NPAS2: variants seen among roughly 807,000 people sequenced by gnomAD.
NPAS2 encodes the protein neuronal PAS domain protein 2.
NPAS2 carries 23 observed loss-of-function variants against 107.5 expected under a neutral mutation model. The observed-to-expected ratio is 0.21, with a 90% CI of 0.15 to 0.30. NPAS2 has a LOEUF of 0.30. Among genes scored for constraint, NPAS2 ranks in the 10% least tolerant of loss-of-function variants. The probability of loss-of-function intolerance (pLI) is 1.00; values close to 1 mark genes in which losing one functional copy is unlikely to be tolerated. For missense variants in NPAS2, 756 were observed against 1,043.3 expected, an observed-to-expected ratio of 0.72 and a Z score of 3.79; for synonymous variants, 403 against 417.5, an observed-to-expected ratio of 0.97 and a Z score of 0.42.
rs188450664 is a variant in NPAS2 at position 100,845,540 on chromosome 2, A to C, written c.-23+25126A>C. 6.9e-3 allele frequency among the ~76,000 whole-genome samples: 1,045 copies of C among 152,318 alleles called. 42 individuals carry two copies. Among genetic ancestry groups the C allele is most frequent in the Admixed American group, 0.064 (981 of 15,304 alleles). On this transcript the variant is annotated intron_variant, in intron 1 of 20. Transcript: ENST00000335681. ...AAGCCACCCAGCCAGGCAGCTGACT[A>C]CATGCACTCAGGCACCCAGGCTGCT...
chr2:100,993,258 A>C (rs1323074434), intron 19 of NPAS2, 89 bp from the exon 20 acceptor site: 2 of 1,306,284 alleles, frequency 1.5e-6, no homozygotes, highest in African/African-American at 3.0e-5. Flanking sequence ...AGTCCAACTT[A>C]TTTGTTTTTT....
intron 2 of NPAS2, among the ~76,000 whole-genome samples, chr2:100,910,833 T>A (rs571203546): frequency 6.6e-6 from 1 of 152,222 alleles, no homozygotes; most frequent in African/African-American, 2.4e-5. Context: ...CAGCCTAATG[T>A]CTTCTTCTTA....
intron 2 of NPAS2, among the ~76,000 whole-genome samples, chr2:100,907,517 CACACA>C (rs1413286315): frequency 5.9e-5 from 9 of 151,660 alleles, no homozygotes; most frequent in Non-Finnish European, 1.2e-4. Flanking sequence ...CACACACACA[CACACA>C]CCCCTAAGAT....
chr2:100,936,427 AAGTC>A (rs1684303366), intron 4 of NPAS2, among the ~76,000 whole-genome samples: 2 of 152,284 alleles, frequency 1.3e-5, no homozygotes, highest in African/African-American at 4.8e-5. Flanking sequence ...GTCAAAGAAA[AAGTC>A]AGTGAACCGA....
intron 1 of NPAS2, among the ~76,000 whole-genome samples, chr2:100,848,339 T>C (rs1677917604): frequency 1.3e-5 from 2 of 152,182 alleles, no homozygotes; most frequent in Admixed American, 6.5e-5. Flanking sequence ...GATTCCTGTA[T>C]CATACTTGGG....
intron 1 of NPAS2, chr2:100,821,299 C>A (rs1676054090): frequency 1.9e-6 from 2 of 1,063,578 alleles, no homozygotes; most frequent in African/African-American, 1.7e-5. Context: ...CGCACTTCCA[C>A]AAAGTCTAAA....
At chr2:100,862,811 G>T (rs569122250) in intron 1 of NPAS2, among the ~76,000 whole-genome samples, 1 of 152,122 alleles carries the variant, frequency 6.6e-6, no homozygotes, top group Non-Finnish European at 1.5e-5. Flanking sequence ...TTCCTTTTAC[G>T]GGAGTTGCTC....
intron 2 of NPAS2, among the ~76,000 whole-genome samples, chr2:100,921,724 C>G (rs965171028): frequency 9.8e-5 from 15 of 152,322 alleles, no homozygotes; most frequent in African/African-American, 3.6e-4. Context: ...AGTAAGGTAA[C>G]ATTTCAACGG....
intron 7 of NPAS2, among the ~76,000 whole-genome samples, chr2:100,956,051 C>T (rs1573715867): frequency 6.6e-6 from 1 of 152,054 alleles, no homozygotes; most frequent in Admixed American, 6.6e-5. Flanking sequence ...ACTACAGGCG[C>T]ATGCTATAAC....
chr2:100,880,698 T>C (rs1475105470), intron 1 of NPAS2, among the ~76,000 whole-genome samples: 1 of 152,200 alleles, frequency 6.6e-6, no homozygotes, highest in Non-Finnish European at 1.5e-5. Flanking sequence ...CACAACATTA[T>C]GAATGCAGTG....
intron 1 of NPAS2, among the ~76,000 whole-genome samples, chr2:100,850,011 TAAAAAAA>T (rs58359292): frequency 1.6e-4 from 9 of 56,218 alleles, no homozygotes; most frequent in Admixed American, 4.8e-4. Context: ...ACTCTTTTTG[TAAAAAAA>T]AAAAAAAAAA....
At chr2:100,874,444 TAAA>T (rs1427097618) in intron 1 of NPAS2, among the ~76,000 whole-genome samples, 3 of 152,078 alleles carry the variant, frequency 2.0e-5, no homozygotes, top group East Asian at 3.9e-4. Flanking sequence ...AACTACCACT[TAAA>T]AAGATAAAAA....
intron 1 of NPAS2, among the ~76,000 whole-genome samples, chr2:100,837,716 G>T (rs956964982): frequency 6.6e-6 from 1 of 152,312 alleles, no homozygotes; most frequent in East Asian, 1.9e-4. Context: ...TCTGATTGAA[G>T]ATAAATGGAG....
At chr2:100,954,201 T>G (rs1018043694) in intron 7 of NPAS2, among the ~76,000 whole-genome samples, 1 of 152,138 alleles carries the variant, frequency 6.6e-6, no homozygotes, top group Non-Finnish European at 1.5e-5. Flanking sequence ...GACCAGGACA[T>G]GAGAGCCTGA....
At chr2:100,983,626 A>G (rs1677604578) in intron 16 of NPAS2, 1 of 152,430 alleles carries the variant, frequency 6.6e-6, no homozygotes, top group South Asian at 2.1e-4. Context: ...CTTCACTCAG[A>G]CAGCCTGGGC....
chr2:100,924,551 C>T (rs979456044), intron 2 of NPAS2, among the ~76,000 whole-genome samples: 9 of 152,204 alleles, frequency 5.9e-5, no homozygotes, highest in East Asian at 1.9e-4. Flanking sequence ...AAAAAGTGTT[C>T]GTCTGCTCTT....
chr2:100,937,601 G>A (rs1396968303), intron 4 of NPAS2, 152 bp from the exon 5 acceptor site: 1 of 663,270 alleles, frequency 1.5e-6, no homozygotes, highest in Non-Finnish European at 2.7e-6. Context: ...TGTCCTCCGT[G>A]GAAGGCCAAG....
At chr2:100,930,458 A>G (rs1479453827) in intron 3 of NPAS2, among the ~76,000 whole-genome samples, 2 of 152,168 alleles carry the variant, frequency 1.3e-5, no homozygotes, top group East Asian at 3.8e-4. Context: ...GTGATATCAG[A>G]GTAGAATTTG....
At chr2:100,834,622 T>C (rs541528819) in intron 1 of NPAS2, among the ~76,000 whole-genome samples, 1 of 152,302 alleles carries the variant, frequency 6.6e-6, no homozygotes, top group South Asian at 2.1e-4. Flanking sequence ...GCTGCAGGAT[T>C]TTCTCACCCG....
Sources: allele counts gnomAD v4.1 joint callset (sites outside exome capture counted in the v4.1 genomes callset), GRCh38; gene constraint gnomAD v4.1.1; transcripts MANE v1.5; gene names NCBI Gene and HGNC (gene_info 2026-07-23, HGNC 2026-07-21).